The following GRHL3 variants were observed in gnomAD, a reference collection of about 807,000 sequenced individuals.
The protein encoded by GRHL3 is grainyhead like transcription factor 3.
A neutral mutation model predicts 70.3 loss-of-function variants in GRHL3; 20 were observed. That is an observed-to-expected ratio of 0.28 (90% confidence interval 0.20 to 0.41). GRHL3 has a LOEUF of 0.41. GRHL3 is among the 10% of genes least tolerant of loss of function. The pLI is 1.00. For missense variants in GRHL3, 637 were observed against 762.3 expected (o/e 0.84, Z 1.94); for synonymous variants, 299 against 299.9 (o/e 1.00, Z 0.03).
chr1:24,351,028 T>C (rs1557706163), intron 15 of GRHL3, among the ~76,000 whole-genome samples: 1 of 152,194 alleles, frequency 6.6e-6, no homozygotes. Context: ...CAGTGAGGAA[T>C]TGTCATTGCT....
In GRHL3 at chr1:24,321,073, C is replaced by T. The variant is rs1326952173; in HGVS notation, c.17+1505C>T. Among the ~76,000 whole-genome samples, 1 of 152,150 alleles carries T rather than the reference C, an allele frequency of 6.6e-6. No homozygotes were observed. The highest frequency in any genetic ancestry group is 1.5e-5 in the Non-Finnish European group (1 of 68,032). ...TCTTGCTATTTTTCCATACTTTGAA[C>T]GCGCAAAAAAATCTTGACATGTGTC... On this transcript the variant is annotated intron_variant, in intron 1 of 15. Coordinates refer to ENST00000361548, the MANE Select transcript of GRHL3 (RefSeq NM_198173.3). The surrounding 1 kb of genome is among the most constrained non-coding windows in gnomAD (Gnocchi z 4.0).
In GRHL3 at chr1:24,354,450, C is replaced by T. The variant is rs757925044; in HGVS notation, c.1771C>T (p.Leu591=). 3.7e-6 allele frequency: 6 copies of T among 1,613,764 alleles called. No individual in the cohort carries two copies. In the Admixed American group the frequency reaches 5.0e-5, roughly 13 times the overall value. Residue 591 remains leucine (L), a synonymous_variant, in exon 16 of 16, where the codon CTG becomes TTG. Transcript: ENST00000361548. The part of the protein sequence containing the change: ...HVAFLLDMGE[L]DGKIQIILKE... Reference sequence around the variant, plus strand: ...CGCCTTCCTGCTGGACATGGGGGAGCTGGACGGCAAAATTCAGATCATCCT... The same window carrying T: ...CGCCTTCCTGCTGGACATGGGGGAGTTGGACGGCAAAATTCAGATCATCCT...
At chr1:24,327,819 C>T (rs759688642) in intron 1 of GRHL3, among the ~76,000 whole-genome samples, 8 of 152,216 alleles carry the variant, frequency 5.3e-5, no homozygotes, top group Non-Finnish European at 8.8e-5. Flanking sequence ...TATTTTTTTC[C>T]CCCTCTCTCA....
chr1:24,337,475 G>C (rs11809452), intron 5 of GRHL3, 161 bp from the exon 6 acceptor site: 3 of 708,958 alleles, frequency 4.2e-6, no homozygotes, highest in Non-Finnish European at 6.9e-6. Context: ...CCATTAAATA[G>C]AACCCCCAAA....
intron 15 of GRHL3, among the ~76,000 whole-genome samples, chr1:24,351,164 C>T (rs1176422563): frequency 6.6e-6 from 1 of 152,230 alleles, no homozygotes; most frequent in Non-Finnish European, 1.5e-5. Context: ...CTAGTAGCCC[C>T]TTGGAGGTGC....
intron 1 of GRHL3, chr1:24,323,084 G>A: frequency 6.5e-7 from 1 of 1,547,648 alleles, no homozygotes; most frequent in East Asian, 2.4e-5. Context: ...CTGAGCAGAA[G>A]AATGTGGATG....
At chr1:24,360,806 T>C (rs1189093784) in intron 15 of GRHL3, 1 of 1,522,604 alleles carries the variant, frequency 6.6e-7, no homozygotes, top group African/African-American at 1.4e-5. Context: ...GACAAACAGT[T>C]CCAGAAGATT....
At position 24,349,961 on chromosome 1, in the gene GRHL3, C is replaced by G; in HGVS notation, c.1630-97C>G. The G allele has an allele frequency of 3.5e-6, 3 of 864,732 alleles. No homozygotes were observed. In the South Asian group the frequency reaches 5.0e-5, roughly 14 times the overall value. 53.6% of individuals were successfully genotyped at this position (864,732 alleles called of 1,614,324 possible). ...TTGCCCACAATATGCATATGTTTTA[C>G]TTTTGTAATCAGGAAGTAAAAAAAG... On this transcript the variant is annotated intron_variant, in intron 14 of 15. Coordinates refer to ENST00000361548, the MANE Select transcript of GRHL3 (RefSeq NM_198173.3).
At chr1:24,336,124 AG>A (rs905483574) in intron 3 of GRHL3, among the ~76,000 whole-genome samples, 14 of 152,066 alleles carry the variant, frequency 9.2e-5, no homozygotes, top group Non-Finnish European at 1.2e-4. Context: ...ACACCCCGCT[AG>A]GGTTGACTCA....
In GRHL3 at chr1:24,337,768, C is replaced by G; in HGVS notation, c.819C>G (p.Ala273=). The change falls in exon 6 of 16, where the codon GCC becomes GCG. Residue 273 remains alanine (A), a synonymous_variant. Transcript: ENST00000361548. ...LRTPAGGKGL[A]LSSNKVKSVV... is the part of the protein sequence containing the mutation. ...CCCCAGCAGGTGGCAAAGGCCTTGC[C>G]TTGTCCTCCAACAAAGTCAAGGTGC... is the stretch of plus-strand genomic sequence containing the variant. The G allele has an allele frequency of 5.0e-6, 8 of 1,614,226 alleles. No individual in the cohort carries two copies. The highest frequency in any genetic ancestry group is 6.8e-6 in the Non-Finnish European group (8 of 1,180,052).
At chr1:24,357,968 C>T (rs974456302), downstream of GRHL3, 1 of 344,796 alleles carries the variant, frequency 2.9e-6, no homozygotes, top group African/African-American at 2.1e-5. Flanking sequence ...TCTTTCCAAA[C>T]AGGTGGTCAC....
At chr1:24,323,016 G>T (rs1639259111) in intron 1 of GRHL3, 1 of 1,490,530 alleles carries the variant, frequency 6.7e-7, no homozygotes, top group African/African-American at 1.4e-5. Context: ...CTTCCTCTGT[G>T]CTTAGCCTCT....
intron 8 of GRHL3, among the ~76,000 whole-genome samples, chr1:24,341,165 C>T (rs1640020918): frequency 6.6e-6 from 1 of 152,176 alleles, no homozygotes; most frequent in South Asian, 2.1e-4. Context: ...GGAGGACAAT[C>T]ACCAGGTGAC....
intron 8 of GRHL3, among the ~76,000 whole-genome samples, chr1:24,341,545 G>A (rs1640040784): frequency 6.6e-6 from 1 of 152,168 alleles, no homozygotes; most frequent in South Asian, 2.1e-4. Context: ...GTAAGATGGG[G>A]TGACTAGGAT....
intron 15 of GRHL3, among the ~76,000 whole-genome samples, chr1:24,360,425 G>A (rs1172000405): frequency 2.0e-5 from 3 of 152,088 alleles, no homozygotes; most frequent in African/African-American, 4.8e-5. Context: ...CAGCCTGGGC[G>A]ATACAGCGAG....
intron 2 of GRHL3, among the ~76,000 whole-genome samples, chr1:24,333,365 C>T (rs986796491): frequency 6.6e-6 from 1 of 152,110 alleles, no homozygotes; most frequent in Non-Finnish European, 1.5e-5. Flanking sequence ...ATTGAATGTC[C>T]ACCACTGTGT....
intron 8 of GRHL3, among the ~76,000 whole-genome samples, chr1:24,340,858 G>A (rs985999066): frequency 6.6e-6 from 1 of 152,150 alleles, no homozygotes; most frequent in Admixed American, 6.5e-5. Context: ...GGGGAGTTTC[G>A]TGGGAAGGGA....
chr1:24,336,812 A>G lies in GRHL3; in HGVS notation c.597A>G (p.Lys199=), dbSNP rs1639835184. 6.2e-7 allele frequency: 1 copy of G among 1,605,850 alleles called. No homozygotes were observed. Among genetic ancestry groups the G allele is most frequent in the South Asian group, 1.1e-5 (1 of 90,130 alleles). The change falls in exon 4 of 16, where the codon AAA becomes AAG. Residue 199 remains lysine (K), a synonymous_variant. Transcript: ENST00000361548. Reference sequence around the variant, plus strand: ...GCTGGCAGCCAGACAGCACCTTCAAAGATGACCCACAGGAGGTGAGGGCGC... The same window carrying G: ...GCTGGCAGCCAGACAGCACCTTCAAGGATGACCCACAGGAGGTGAGGGCGC... ...TQRWQPDSTF[K]DDPQESMLFP...
rs771534370 is a variant in GRHL3 at position 24,350,253 on chromosome 1, G to T, written c.1694+131G>T. ...CTCCCCAGCCAGGCCAAAGCCACTG[G>T]TCACCTCTCCATCTGCAGAGACCAG... On this transcript the variant is annotated intron_variant, in intron 15 of 15. Transcript: ENST00000361548. The T allele has an allele frequency of 4.5e-5, 29 of 650,874 alleles. No homozygotes were observed. In the Admixed American group the frequency reaches 5.5e-4, roughly 12 times the overall value. 40.3% of individuals were successfully genotyped at this position (650,874 alleles called of 1,614,324 possible).
Sources: gnomAD v4.1 joint callset for allele counts (sites outside exome capture counted in the v4.1 genomes callset) on GRCh38, gnomAD v4.1.1 for gene constraint, Gnocchi (gnomAD v3.1) non-coding constraint, MANE v1.5 for transcripts, NCBI Gene and HGNC (gene_info 2026-07-23, HGNC 2026-07-21) for gene names.